The following SLIT1 variants were observed in gnomAD, a reference collection of about 807,000 sequenced individuals.
SLIT1 encodes the protein slit homolog 1 protein.
A neutral mutation model predicts 186.1 loss-of-function variants in SLIT1; 66 were observed. That is an observed-to-expected ratio of 0.35 (90% CI 0.29 to 0.44). The LOEUF is 0.44. Among genes scored for constraint, SLIT1 ranks in the 20% least tolerant of loss-of-function variants. The pLI is 1.00. For missense variants in SLIT1, 1,638 were observed against 2,037.4 expected, an observed-to-expected ratio of 0.80 and a Z score of 3.77; for synonymous variants, 761 against 833.8, an observed-to-expected ratio of 0.91 and a Z score of 1.50.
chr10:97,105,782 AG>A (rs148141909), intron 4 of SLIT1, among the ~76,000 whole-genome samples: 1,668 of 152,320 alleles, frequency 0.011, 37 homozygotes, highest in African/African-American at 0.038. Context: ...TGGAGGCCAC[AG>A]GTAACAACAT....
At chr10:97,081,019 G>A (rs532721185) in intron 4 of SLIT1, among the ~76,000 whole-genome samples, 1 of 152,290 alleles carries the variant, frequency 6.6e-6, no homozygotes, top group South Asian at 2.1e-4. Flanking sequence ...AGGGTATTTT[G>A]AAGAATGCAC....
In SLIT1 at chr10:97,037,457, A is replaced by C. The variant is rs538726198; in HGVS notation, c.2366+241T>G. Among the ~76,000 whole-genome samples, 30 of 151,854 alleles carry C rather than the reference A, an allele frequency of 2.0e-4. No individual in the cohort carries two copies. In the South Asian group the frequency reaches 6.0e-3, roughly 31 times the overall value. Reference sequence around the variant, plus strand: ...AGCCTCACGGGGGAGCTTTGGGGAGACGGCGTGGGCAGGAGGAGGAGGCAG... The same window carrying C: ...AGCCTCACGGGGGAGCTTTGGGGAGCCGGCGTGGGCAGGAGGAGGAGGCAG... On this transcript the variant is annotated intron_variant, in intron 22 of 36. Transcript: ENST00000266058.
intron 1 of SLIT1, among the ~76,000 whole-genome samples, chr10:97,175,560 G>GT (rs1850245515): frequency 6.6e-6 from 1 of 152,156 alleles, no homozygotes. Context: ...TCTTTTGACA[G>GT]TCGCAATCCG....
At chr10:97,185,413 G>A in intron 1 of SLIT1, 65 bp downstream of exon 1, 5 of 1,517,388 alleles carry the variant, frequency 3.3e-6, no homozygotes, top group Non-Finnish European at 3.6e-6. Flanking sequence ...CCCCAAGTCC[G>A]GAATTGCGTC....
rs1440292377 is a variant in SLIT1 at position 97,014,035 on chromosome 10, G to A, written c.3093C>T (p.Cys1031=). Residue 1031 remains cysteine, a synonymous_variant, in exon 29 of 37, where the codon TGC becomes TGT. Transcript: ENST00000266058. Reference sequence around the variant, plus strand: ...CGCACTTACCCTCATACTGCAGGGGGCACTGGCAGGTGTAGTTGCCCACAC... The same window carrying A: ...CGCACTTACCCTCATACTGCAGGGGACACTGGCAGGTGTAGTTGCCCACAC... ...VDGVGNYTCQ[C]PLQYEGKACE... 6.2e-7 allele frequency: 1 copy of A among 1,613,516 alleles called. No individual in the cohort carries two copies. Among genetic ancestry groups the A allele is most frequent in the Non-Finnish European group, 8.5e-7 (1 of 1,180,016 alleles).
At chr10:97,046,000 C>G (rs532153996) in intron 18 of SLIT1, among the ~76,000 whole-genome samples, 7 of 152,228 alleles carry the variant, frequency 4.6e-5, no homozygotes, top group Non-Finnish European at 7.3e-5. Context: ...TGCTCCACAG[C>G]CACATGAAGT....
chr10:97,128,143 T>C (rs1027388733), intron 4 of SLIT1, among the ~76,000 whole-genome samples: 1 of 152,036 alleles, frequency 6.6e-6, no homozygotes, highest in Non-Finnish European at 1.5e-5. Flanking sequence ...TAAGTGAGGC[T>C]GGCCTCAGCC....
rs750588767 is a variant in SLIT1 at position 97,056,362 on chromosome 10, G to A, written c.1260C>T (p.Leu420=). The change falls in exon 13 of 37, where the codon CTC becomes CTT. Residue 420 remains leucine (L), a synonymous_variant. Coordinates refer to ENST00000266058, the MANE Select transcript of SLIT1 (RefSeq NM_003061.3). ...GCAGGGAGGTGAAAGTGCCCTTGGC[G>A]AGGCTCTGGATCTTGTTGTCATACA... ...LSLYDNKIQS[L]AKGTFTSLRA... is the part of the protein sequence containing the mutation. 1.5e-5 allele frequency: 25 copies of A among 1,614,078 alleles called. No individual in the cohort carries two copies. The highest frequency in any genetic ancestry group is 6.7e-5 in the African/African-American group (5 of 74,924).
chr10:97,182,883 T>C (rs1850358470), intron 1 of SLIT1, among the ~76,000 whole-genome samples: 1 of 151,274 alleles, frequency 6.6e-6, no homozygotes, highest in African/African-American at 2.4e-5. Flanking sequence ...CCCAACACTT[T>C]GGGAGGCGGA....
chr10:97,040,400 C>T (rs1487196039), intron 20 of SLIT1, among the ~76,000 whole-genome samples: 2 of 152,138 alleles, frequency 1.3e-5, no homozygotes, highest in Admixed American at 6.5e-5. Flanking sequence ...AGGATGGCCG[C>T]GCACCATCCC....
intron 4 of SLIT1, among the ~76,000 whole-genome samples, chr10:97,089,474 C>T (rs929947522): frequency 1.1e-4 from 17 of 152,122 alleles, no homozygotes; most frequent in Non-Finnish European, 2.4e-4. Context: ...GGGCTGACTG[C>T]GCAGAGAGAT....
At chr10:97,123,472 A>G (rs1332173160) in intron 4 of SLIT1, among the ~76,000 whole-genome samples, 1 of 152,220 alleles carries the variant, frequency 6.6e-6, no homozygotes, top group Non-Finnish European at 1.5e-5. Flanking sequence ...TTTCAGAACA[A>G]GCCCAATGCT....
chr10:97,047,002 A>G lies in SLIT1; in HGVS notation c.1698T>C (p.His566=). The G allele has an allele frequency of 1.9e-6, 3 of 1,610,726 alleles. No individual in the cohort carries two copies. Among genetic ancestry groups the G allele is most frequent in the Non-Finnish European group, 1.7e-6 (2 of 1,176,920 alleles). The stretch of plus-strand genomic sequence containing the variant: ...AATGGGTAACTCACATTTTCTTCAG[A>G]TGTGTAAGTTTTTTAAACATCCCAG... ...EATGMFKKLT[H]LKKINLSNNK... The change falls in exon 17 of 37, where the codon CAT becomes CAC. Residue 566 remains histidine (H), a synonymous_variant. Transcript: ENST00000266058.
chr10:97,002,642 C>A, intron 35 of SLIT1, 62 bp downstream of exon 35: 1 of 1,444,122 alleles, frequency 6.9e-7, no homozygotes, highest in Non-Finnish European at 9.3e-7. Context: ...GTGAGGCAGC[C>A]CTTCCCATGG....
intron 1 of SLIT1, among the ~76,000 whole-genome samples, chr10:97,176,782 T>C (rs1850261886): frequency 6.6e-6 from 1 of 152,168 alleles, no homozygotes; most frequent in Non-Finnish European, 1.5e-5. Context: ...TTTGCAATGA[T>C]TCCTCGGCCC....
At chr10:97,136,476 A>T (rs1055745303) in intron 4 of SLIT1, among the ~76,000 whole-genome samples, 1 of 152,186 alleles carries the variant, frequency 6.6e-6, no homozygotes, top group Non-Finnish European at 1.5e-5. Flanking sequence ...GTGTCATAGT[A>T]ATCTTTTTGT....
At chr10:97,166,352 T>G (rs972630504) in intron 1 of SLIT1, among the ~76,000 whole-genome samples, 1 of 151,238 alleles carries the variant, frequency 6.6e-6, no homozygotes, top group African/African-American at 2.4e-5. Flanking sequence ...CCGTCTCTAC[T>G]AAAAATACAA....
Position 97,040,061 on chromosome 10 carries a change from C to T in SLIT1, c.2224G>A (p.Asp742Asn). The T allele has an allele frequency of 6.2e-7, 1 of 1,611,402 alleles. No individual in the cohort carries two copies. The highest frequency in any genetic ancestry group is 8.5e-7 in the Non-Finnish European group (1 of 1,178,746). The change falls in exon 21 of 37, where the codon GAC becomes AAC. Residue 742 changes from aspartate to asparagine, a missense_variant. This residue lies in a region of SLIT1 where 1,245 missense variants were observed against 1,535.3 expected (regional missense o/e 0.81). Transcript: ENST00000266058. ...TTGTTGCTGCATCGGACCACGGTGT[C>T]CAGGCAGGCGCACTCCTGTGGGCAC... ...PQCPQECACL[D>N]TVVRCSNKHL...
chr10:97,168,691 A>G (rs1320401422), intron 1 of SLIT1, among the ~76,000 whole-genome samples: 1 of 152,220 alleles, frequency 6.6e-6, no homozygotes, highest in East Asian at 1.9e-4. Flanking sequence ...AATATTGCAT[A>G]AAGTTTGATG....
Sources: gnomAD v4.1 joint callset for allele counts (sites outside exome capture counted in the v4.1 genomes callset) on GRCh38, gnomAD v4.1.1 for gene constraint, gnomAD v4.1.1 regional missense constraint, MANE v1.5 for transcripts, NCBI Gene and HGNC (gene_info 2026-07-23, HGNC 2026-07-21) for gene names.